PRUNE2: variants seen among roughly 807,000 people sequenced by gnomAD.
PRUNE2 encodes protein prune homolog 2.
Under a neutral mutation model 252.0 loss-of-function variants are expected in PRUNE2, and 164 were observed. The ratio of observed to expected loss-of-function variants is 0.65; its 90% confidence interval spans 0.57 to 0.74. The LOEUF (loss-of-function observed/expected upper bound fraction) is 0.74. PRUNE2 is among the 30% of genes least tolerant of loss of function. The pLI is 0.00. For synonymous variants in PRUNE2, 1,292 were observed against 1,350.2 expected, an observed-to-expected ratio of 0.96 and a Z score of 0.94; for missense variants, 3,495 against 3,711.0, an observed-to-expected ratio of 0.94 and a Z score of 1.51.
At chr9:76,879,725 A>C (rs980084366) in intron 1 of PRUNE2, among the ~76,000 whole-genome samples, 1 of 151,458 alleles carries the variant, frequency 6.6e-6, no homozygotes, top group East Asian at 1.9e-4. Context: ...GGTTTGTTGC[A>C]CATTTGGAAG....
intron 11 of PRUNE2, among the ~76,000 whole-genome samples, chr9:76,647,702 C>A (rs561955943): frequency 6.6e-6 from 1 of 152,144 alleles, no homozygotes; most frequent in Non-Finnish European, 1.5e-5. Flanking sequence ...CAGTGGCTCA[C>A]GCCTGTAATC....
At chr9:76,774,466 T>TATTTATTTATTTATTTA (rs1419033422) in intron 6 of PRUNE2, among the ~76,000 whole-genome samples, 4 of 43,488 alleles carry the variant, frequency 9.2e-5, no homozygotes, top group East Asian at 9.2e-4. Context: ...TTTTTTTTTT[T>TATTTATTTATTTATTTA]TTTTTTTTTT....
In PRUNE2 at chr9:76,706,291, T is replaced by C. The variant is rs1588712318; in HGVS notation, c.5983A>G (p.Thr1995Ala). ...GATTTTTCTTGTTCCCACTGATTTGTTTCTTGACCTTCATTAGTTGAAACA... is the reference window on the plus strand; with the variant it reads ...GATTTTTCTTGTTCCCACTGATTTGCTTCTTGACCTTCATTAGTTGAAACA... Reference protein sequence around the residue: ...SNVSTNEGQETNQWEQEKSYL... With the variant: ...SNVSTNEGQEANQWEQEKSYL... The change falls in exon 8 of 19, where the codon ACA becomes GCA. Residue 1995 changes from threonine to alanine, a missense_variant. Transcript: ENST00000376718. 2 of 1,614,016 alleles carry C rather than the reference T, an allele frequency of 1.2e-6. No homozygotes were observed. Among genetic ancestry groups the C allele is most frequent in the African/African-American group, 1.3e-5 (1 of 75,050 alleles).
intron 6 of PRUNE2, among the ~76,000 whole-genome samples, chr9:76,748,113 G>A (rs113344558): frequency 0.017 from 2,557 of 152,134 alleles, 34 homozygotes; most frequent in Middle Eastern, 0.031. Context: ...CTTATACTAG[G>A]AATTCTGGTC....
chr9:76,855,080 A>ATATATATAT (rs1207880937), intron 1 of PRUNE2, among the ~76,000 whole-genome samples: 3 of 126,712 alleles, frequency 2.4e-5, no homozygotes, highest in African/African-American at 9.5e-5. Flanking sequence ...AAAAAAAAAA[A>ATATATATAT]AAATATATAT....
intron 6 of PRUNE2, among the ~76,000 whole-genome samples, chr9:76,763,502 CA>C (rs1394986342): frequency 1.3e-5 from 2 of 152,208 alleles, no homozygotes; most frequent in African/African-American, 2.4e-5. Flanking sequence ...AATACCACTT[CA>C]AACACAAGCT....
intron 6 of PRUNE2, among the ~76,000 whole-genome samples, chr9:76,771,754 T>C (rs1337684658): frequency 1.3e-5 from 2 of 152,252 alleles, no homozygotes; most frequent in African/African-American, 4.8e-5. Context: ...AATCTGCTAC[T>C]GCTTTCTGTT....
At chr9:76,690,394 C>G (rs890119367) in intron 9 of PRUNE2, among the ~76,000 whole-genome samples, 5 of 152,200 alleles carry the variant, frequency 3.3e-5, no homozygotes, top group Non-Finnish European at 7.3e-5. Context: ...AAAAACCCAG[C>G]TTTTATTTGC....
chr9:76,838,770 C>T (rs763199496), intron 4 of PRUNE2, among the ~76,000 whole-genome samples: 1 of 151,378 alleles, frequency 6.6e-6, no homozygotes, highest in African/African-American at 2.4e-5. Context: ...AATGGGAATA[C>T]CAGTTAACGC....
chr9:76,864,505 T>C (rs1357607246), intron 1 of PRUNE2, among the ~76,000 whole-genome samples: 3 of 151,986 alleles, frequency 2.0e-5, no homozygotes, highest in Admixed American at 2.0e-4. Flanking sequence ...ATCTAAGGTG[T>C]CAAACAGTTC....
At chr9:76,875,849 A>AGATAAGTTTGATG (rs2061447922) in intron 1 of PRUNE2, among the ~76,000 whole-genome samples, 1 of 152,250 alleles carries the variant, frequency 6.6e-6, no homozygotes, top group South Asian at 2.1e-4. Context: ...TTTGACACGT[A>AGATAAGTTTGATG]TCTCAAACTT....
intron 9 of PRUNE2, among the ~76,000 whole-genome samples, chr9:76,665,203 A>T (rs945007790): frequency 1.3e-5 from 2 of 152,180 alleles, no homozygotes; most frequent in African/African-American, 2.4e-5. Flanking sequence ...AGGGCTCACA[A>T]GGCCCTCTTG....
Position 76,828,786 on chromosome 9 carries a change from C to T in PRUNE2, c.509-2054G>A, listed in dbSNP as rs1330190028. Among the ~76,000 whole-genome samples, 3 of 152,078 alleles carry T rather than the reference C, an allele frequency of 2.0e-5. No homozygotes were observed. The East Asian group carries it at 5.8e-4, about 29-fold the overall frequency. Reference sequence around the variant, plus strand: ...ATCCCAGCACTTTGGGAGGCCAAGGCTGGTGGATCACCTGAGGTCAGGAGT... The same window carrying T: ...ATCCCAGCACTTTGGGAGGCCAAGGTTGGTGGATCACCTGAGGTCAGGAGT... On this transcript the variant is annotated intron_variant, in intron 4 of 18. Transcript: ENST00000376718.
chr9:76,734,070 G>A (rs1312986522), intron 6 of PRUNE2, among the ~76,000 whole-genome samples: 1 of 152,086 alleles, frequency 6.6e-6, no homozygotes, highest in Non-Finnish European at 1.5e-5. Context: ...GGCTACTCAA[G>A]TCTGGGCATC....
chr9:76,629,643 T>C (rs1238520590), intron 15 of PRUNE2, among the ~76,000 whole-genome samples: 1 of 152,104 alleles, frequency 6.6e-6, no homozygotes, highest in South Asian at 2.1e-4. Flanking sequence ...TCTTAGCAAT[T>C]TTCTAGGATG....
chr9:76,821,192 C>T (rs2058021225), intron 6 of PRUNE2, among the ~76,000 whole-genome samples: 1 of 152,114 alleles, frequency 6.6e-6, no homozygotes, highest in Non-Finnish European at 1.5e-5. Flanking sequence ...TCATGATGCA[C>T]CTTGGTTGAC....
intron 9 of PRUNE2, among the ~76,000 whole-genome samples, chr9:76,688,352 T>C (rs1159518903): frequency 6.6e-6 from 1 of 152,206 alleles, no homozygotes; most frequent in African/African-American, 2.4e-5. Context: ...TTGCAGTAAG[T>C]GTTGCTGCCC....
At chr9:76,724,422 A>G (rs2047928859) in intron 6 of PRUNE2, among the ~76,000 whole-genome samples, 1 of 149,724 alleles carries the variant, frequency 6.7e-6, no homozygotes. Context: ...GGTTGCAGTG[A>G]GCGGAGATCC....
In PRUNE2 at chr9:76,707,123, C is replaced by G; in HGVS notation, c.5151G>C (p.Trp1717Cys). The change falls in exon 8 of 19, where the codon TGG becomes TGC. Residue 1717 changes from tryptophan (W) to cysteine (C), a missense_variant. Trp to Cys is a radical substitution (Grantham distance 215). Coordinates refer to ENST00000376718, the MANE Select transcript of PRUNE2 (RefSeq NM_015225.3). ...ACTTATTAGATTCATTCAATGAATC[C>G]CAAGCTCTGGATTCATCCTCAGCAA... The part of the protein sequence containing the change: ...CHVAEDESRA[W>C]DSLNESNKFL... The G allele has an allele frequency of 6.2e-7, 1 of 1,613,790 alleles. No homozygotes were observed. Among genetic ancestry groups the G allele is most frequent in the Non-Finnish European group, 8.5e-7 (1 of 1,179,854 alleles).
Sources: allele counts gnomAD v4.1 joint callset (sites outside exome capture counted in the v4.1 genomes callset), GRCh38; gene constraint gnomAD v4.1.1; transcripts MANE v1.5; gene names NCBI Gene and HGNC (gene_info 2026-07-23, HGNC 2026-07-21).